TAFA2: variants seen among roughly 807,000 people sequenced by gnomAD.
The protein encoded by TAFA2 is TAFA chemokine like family member 2.
Under a neutral mutation model 18.8 loss-of-function variants are expected in TAFA2, and 7 were observed. The observed-to-expected ratio is 0.37, with a 90% CI of 0.21 to 0.70. TAFA2 has a LOEUF of 0.70. TAFA2 is among the 30% of genes least tolerant of loss of function. TAFA2 has a pLI of 0.53. For missense variants in TAFA2, 122 were observed against 158.1 expected, an observed-to-expected ratio of 0.77 and a Z score of 1.23; for synonymous variants, 60 against 54.2, an observed-to-expected ratio of 1.11 and a Z score of -0.47.
At chr12:61,773,648 A>C (rs1870128942) in intron 2 of TAFA2, among the ~76,000 whole-genome samples, 1 of 151,952 alleles carries the variant, frequency 6.6e-6, no homozygotes, top group Non-Finnish European at 1.5e-5. Context: ...ATAATTGGCA[A>C]GCCACATGTA....
chr12:62,208,926 G>T (rs968916192), intron 1 of TAFA2, among the ~76,000 whole-genome samples: 1 of 152,170 alleles, frequency 6.6e-6, no homozygotes, highest in African/African-American at 2.4e-5. Flanking sequence ...TCTCTCTGTT[G>T]ACTTTGTCAT....
chr12:61,843,123 G>A (rs756229041), intron 2 of TAFA2, among the ~76,000 whole-genome samples: 1 of 151,988 alleles, frequency 6.6e-6, no homozygotes, highest in Non-Finnish European at 1.5e-5. Flanking sequence ...GGAGAATTGA[G>A]ACAAACTTTA....
chr12:62,212,453 A>T (rs2062717995), intron 1 of TAFA2, among the ~76,000 whole-genome samples: 1 of 152,206 alleles, frequency 6.6e-6, no homozygotes, highest in Non-Finnish European at 1.5e-5. Context: ...CATATTCCCC[A>T]GGGATACCCT....
chr12:62,222,689 T>A (rs868285578), intron 1 of TAFA2, among the ~76,000 whole-genome samples: 22 of 149,868 alleles, frequency 1.5e-4, no homozygotes, highest in South Asian at 8.4e-4. Context: ...TTTTTTTTTT[T>A]ATTTTTAGTA....
At chr12:62,150,069 G>C (rs958220616) in intron 1 of TAFA2, among the ~76,000 whole-genome samples, 2 of 152,182 alleles carry the variant, frequency 1.3e-5, no homozygotes, top group African/African-American at 4.8e-5. Context: ...TAAGCAGCAG[G>C]GGATGGGGCA....
At position 62,168,110 on chromosome 12, in the gene TAFA2, C is replaced by G. The variant is rs187668527; in HGVS notation, c.-2+23149G>C. 1.2e-3 allele frequency among the ~76,000 whole-genome samples: 189 copies of G among 152,184 alleles called. 3 individuals carry two copies. The highest frequency in any genetic ancestry group is 4.2e-3 in the African/African-American group (176 of 41,538). On this transcript the variant is annotated intron_variant, in intron 1 of 4. Coordinates refer to ENST00000416284, the MANE Select transcript of TAFA2 (RefSeq NM_178539.5). ...GCATGTGTCTGAGTGTGTGTCTAGC[C>G]TGCCTTTCCTGTATTGTACCTCTGG...
At chr12:61,765,242 A>G (rs1869737090) in intron 2 of TAFA2, among the ~76,000 whole-genome samples, 1 of 152,000 alleles carries the variant, frequency 6.6e-6, no homozygotes, top group Non-Finnish European at 1.5e-5. Context: ...TAGTGCCAAG[A>G]GTGACCTTGG....
At chr12:61,919,077 T>C (rs1210304831) in intron 1 of TAFA2, among the ~76,000 whole-genome samples, 1 of 152,238 alleles carries the variant, frequency 6.6e-6, no homozygotes, top group Non-Finnish European at 1.5e-5. Context: ...TAAGTAATTG[T>C]AGCAATTATT....
intron 1 of TAFA2, among the ~76,000 whole-genome samples, chr12:62,257,030 A>G (rs2136997976): frequency 6.6e-6 from 1 of 152,208 alleles, no homozygotes; most frequent in East Asian, 1.9e-4. Flanking sequence ...AAAAACTGAG[A>G]CAGTGGTTCC....
chr12:62,201,348 A>T (rs557641411), intron 1 of TAFA2, among the ~76,000 whole-genome samples: 5 of 152,298 alleles, frequency 3.3e-5, no homozygotes, highest in Non-Finnish European at 5.9e-5. Context: ...GCTTTTGCCT[A>T]TTCAGTATGA....
chr12:62,218,682 G>T (rs907915698), intron 1 of TAFA2, among the ~76,000 whole-genome samples: 1 of 151,990 alleles, frequency 6.6e-6, no homozygotes, highest in Non-Finnish European at 1.5e-5. Context: ...ATCTATGAAT[G>T]AAATAGATGT....
chr12:61,877,918 T>TAC (rs796244007), intron 1 of TAFA2, among the ~76,000 whole-genome samples: 34 of 78,534 alleles, frequency 4.3e-4, no homozygotes, highest in African/African-American at 1.7e-3. Context: ...TATATATATA[T>TAC]ATATATACAC....
chr12:61,905,178 C>T (rs11174231), intron 1 of TAFA2, among the ~76,000 whole-genome samples: 10,134 of 145,260 alleles, frequency 0.07, 1,155 homozygotes, highest in African/African-American at 0.24. Flanking sequence ...ACATTATACT[C>T]CTATGGTGTA....
intron 1 of TAFA2, among the ~76,000 whole-genome samples, chr12:62,217,324 A>G (rs2062739806): frequency 6.6e-6 from 1 of 152,220 alleles, no homozygotes; most frequent in African/African-American, 2.4e-5. Context: ...AAGTAAAACC[A>G]CAATGTAAAT....
intron 4 of TAFA2, among the ~76,000 whole-genome samples, chr12:61,732,347 T>C (rs577201226): frequency 1.2e-3 from 177 of 152,272 alleles, no homozygotes; most frequent in Non-Finnish European, 1.8e-3. Flanking sequence ...TCCTTGTTTA[T>C]TCGATGAATA....
At chr12:61,984,166 A>G (rs570073776) in intron 1 of TAFA2, among the ~76,000 whole-genome samples, 3 of 152,224 alleles carry the variant, frequency 2.0e-5, no homozygotes, top group South Asian at 4.1e-4. Context: ...GGATTTTGTT[A>G]TTGTATTCAC....
chr12:61,758,396 G>T (rs540823645), intron 2 of TAFA2, among the ~76,000 whole-genome samples: 2 of 151,898 alleles, frequency 1.3e-5, no homozygotes, highest in Non-Finnish European at 2.9e-5. Flanking sequence ...CATTAACAAA[G>T]AATGTTCTTA....
At chr12:61,741,229 G>A (rs765423094) in intron 4 of TAFA2, among the ~76,000 whole-genome samples, 54 of 150,654 alleles carry the variant, frequency 3.6e-4, no homozygotes, top group Non-Finnish European at 6.0e-4. Context: ...TTTTTTATAT[G>A]CAAATTATCT....
chr12:62,233,329 C>T (rs1268978491), intron 1 of TAFA2, among the ~76,000 whole-genome samples: 1 of 151,964 alleles, frequency 6.6e-6, no homozygotes, highest in Non-Finnish European at 1.5e-5. Context: ...GATCTGCCCA[C>T]CTCAGCCTCC....
Sources: gnomAD v4.1 joint callset for allele counts (sites outside exome capture counted in the v4.1 genomes callset) on GRCh38, gnomAD v4.1.1 for gene constraint, MANE v1.5 for transcripts, NCBI Gene and HGNC (gene_info 2026-07-23, HGNC 2026-07-21) for gene names.